CLYBL: variants seen among roughly 807,000 people sequenced by gnomAD.
CLYBL encodes citramalyl-CoA lyase, mitochondrial.
Under a neutral mutation model 38.9 loss-of-function variants are expected in CLYBL, and 31 were observed. That is an observed-to-expected ratio of 0.80 (90% CI 0.60 to 1.08). The LOEUF is 1.08. Ranked by LOEUF, CLYBL falls within the 50% of genes least tolerant of loss-of-function variation. The probability of loss-of-function intolerance (pLI) is 0.00; values close to 1 mark genes in which losing one functional copy is unlikely to be tolerated. For synonymous variants in CLYBL, 171 were observed against 158.6 expected (o/e 1.08, Z -0.59); for missense variants, 434 against 411.6 (o/e 1.05, Z -0.47).
chr13:99,617,628 C>T (rs1441876606), intron 1 of CLYBL, among the ~76,000 whole-genome samples: 2 of 52,878 alleles, frequency 3.8e-5, no homozygotes, highest in African/African-American at 1.2e-4. Flanking sequence ...AGGCTGCCCT[C>T]ACGAACGCCT....
chr13:99,610,429 C>G (rs1382950963), intron 1 of CLYBL, among the ~76,000 whole-genome samples: 1 of 152,166 alleles, frequency 6.6e-6, no homozygotes, highest in Non-Finnish European at 1.5e-5. Context: ...TCAGATTTCT[C>G]CCTTTTGCCA....
At chr13:99,853,382 A>G (rs932045479) in intron 2 of CLYBL, among the ~76,000 whole-genome samples, 4 of 152,222 alleles carry the variant, frequency 2.6e-5, no homozygotes, top group African/African-American at 9.6e-5. Flanking sequence ...TTAACATATC[A>G]AAAACTTTGC....
At chr13:99,696,781 CCAAAA>C (rs60889786) in intron 1 of CLYBL, among the ~76,000 whole-genome samples, 134,186 of 149,860 alleles carry the variant, frequency 0.9, 60,097 homozygotes, top group Middle Eastern at 0.91. Flanking sequence ...CCCATCTCTA[CCAAAA>C]CAAAACAAAA....
chr13:99,826,729 G>A lies in CLYBL; in HGVS notation c.250-32132G>A, dbSNP rs189584561. Reference sequence around the variant, plus strand: ...TGATCCATTTTACCTCATCAGAAGTGGGGAGTTCAAATCATCTGCATTCTA... The same window carrying A: ...TGATCCATTTTACCTCATCAGAAGTAGGGAGTTCAAATCATCTGCATTCTA... On this transcript the variant is annotated intron_variant, in intron 2 of 8. Transcript: ENST00000339105. 2.6e-5 allele frequency among the ~76,000 whole-genome samples: 4 copies of A among 152,238 alleles called. No homozygotes were observed. In the East Asian group the frequency reaches 7.7e-4, roughly 29 times the overall value.
intron 1 of CLYBL, among the ~76,000 whole-genome samples, chr13:99,691,600 A>G (rs1017547277): frequency 6.9e-6 from 1 of 144,526 alleles, no homozygotes; most frequent in African/African-American, 2.5e-5. Context: ...AAAAAAACCA[A>G]AAAACAAAAA....
intron 1 of CLYBL, among the ~76,000 whole-genome samples, chr13:99,680,121 TTAATG>T (rs1423865383): frequency 2.0e-5 from 3 of 152,216 alleles, no homozygotes; most frequent in Non-Finnish European, 2.9e-5. Flanking sequence ...GGCCTACTAA[TTAATG>T]GGGGAATTTC....
chr13:99,646,903 A>T (rs552236127), intron 1 of CLYBL, among the ~76,000 whole-genome samples: 1 of 152,114 alleles, frequency 6.6e-6, no homozygotes, highest in East Asian at 1.9e-4. Context: ...TGCGATAGCT[A>T]CTTCTCAGTA....
At chr13:99,616,056 A>G (rs2046704387) in intron 1 of CLYBL, among the ~76,000 whole-genome samples, 1 of 151,056 alleles carries the variant, frequency 6.6e-6, no homozygotes, top group Non-Finnish European at 1.5e-5. Flanking sequence ...CATGTTGGTC[A>G]GGCTGGTCTT....
rs555373151 is a variant in CLYBL at position 99,789,034 on chromosome 13, G to C, written c.249+16024G>C. 3.9e-5 allele frequency among the ~76,000 whole-genome samples: 6 copies of C among 152,246 alleles called. No individual in the cohort carries two copies. In the South Asian group the frequency reaches 8.3e-4, roughly 21 times the overall value. On this transcript the variant is annotated intron_variant, in intron 2 of 8. Coordinates refer to ENST00000339105, the MANE Select transcript of CLYBL (RefSeq NM_206808.5). Reference sequence around the variant, plus strand: ...CTGATGGTAGTTTGTATTTCTGTGGGATCGGTGGTGATATCCCCTTTATCA... The same window carrying C: ...CTGATGGTAGTTTGTATTTCTGTGGCATCGGTGGTGATATCCCCTTTATCA...
chr13:99,746,039 A>AT (rs369947308), intron 1 of CLYBL, among the ~76,000 whole-genome samples: 45,519 of 150,512 alleles, frequency 0.3, 7,823 homozygotes, highest in Non-Finnish European at 0.39. Flanking sequence ...AAAAAAAAAA[A>AT]TTTTTTTCAG....
At chr13:99,786,916 G>T (rs986770729) in intron 2 of CLYBL, among the ~76,000 whole-genome samples, 18 of 151,900 alleles carry the variant, frequency 1.2e-4, no homozygotes, top group African/African-American at 4.1e-4. Flanking sequence ...GTGTGAGATG[G>T]TATCTCATTG....
chr13:99,643,580 A>G (rs1036277134), intron 1 of CLYBL, among the ~76,000 whole-genome samples: 2 of 152,202 alleles, frequency 1.3e-5, no homozygotes, highest in South Asian at 2.1e-4. Context: ...GTGAGACTCA[A>G]TGTCAGTAGC....
intron 2 of CLYBL, among the ~76,000 whole-genome samples, chr13:99,787,177 T>A (rs1361844766): frequency 2.6e-5 from 4 of 152,244 alleles, no homozygotes; most frequent in Admixed American, 6.5e-5. Flanking sequence ...GATGGTAGTT[T>A]CTTTTGCTGT....
intron 1 of CLYBL, among the ~76,000 whole-genome samples, chr13:99,609,667 G>A (rs995577954): frequency 6.6e-6 from 1 of 152,006 alleles, no homozygotes; most frequent in Admixed American, 6.6e-5. Context: ...CTCCCAAATA[G>A]CTGGGACTAC....
rs1354690441 is a variant in CLYBL, at chr13:99,865,638, T to A, written c.635-602T>A. ...CCTCAGGGTGAAAAAACTGAATTTA[T>A]TTGAATACGAGTCTTTCCAGGAGAC... On this transcript the variant is annotated intron_variant, in intron 5 of 8. Transcript: ENST00000339105. This position sits in a 1 kb window ranked among gnomAD's most constrained non-coding sequence, Gnocchi z 4.7. 6.6e-6 allele frequency among the ~76,000 whole-genome samples: 1 copy of A among 152,234 alleles called. No individual in the cohort carries two copies. Among genetic ancestry groups the A allele is most frequent in the Non-Finnish European group, 1.5e-5 (1 of 68,050 alleles).
At chr13:99,662,242 T>A (rs1381525565) in intron 1 of CLYBL, among the ~76,000 whole-genome samples, 2 of 152,240 alleles carry the variant, frequency 1.3e-5, no homozygotes, top group South Asian at 4.1e-4. Context: ...ACAGATTTAA[T>A]TGTGCCGTGT....
chr13:99,840,313 A>T (rs576594566), intron 2 of CLYBL, among the ~76,000 whole-genome samples: 11 of 151,992 alleles, frequency 7.2e-5, no homozygotes, highest in African/African-American at 2.7e-4. Context: ...CCTCCATTCA[A>T]AAAGGTTACA....
rs544623895 is a variant in CLYBL at position 99,853,832 on chromosome 13, G to A, written c.250-5029G>A. On this transcript the variant is annotated intron_variant, in intron 2 of 8. Coordinates refer to ENST00000339105, the MANE Select transcript of CLYBL (RefSeq NM_206808.5). ...GGCCGTCCTTAAATAGAATAAATTC[G>A]TTCCGTTTTTTATTTTAAACCAAAC... 5.9e-5 allele frequency among the ~76,000 whole-genome samples: 9 copies of A among 152,188 alleles called. No homozygotes were observed. In the South Asian group the frequency reaches 1.2e-3, roughly 21 times the overall value.
intron 1 of CLYBL, among the ~76,000 whole-genome samples, chr13:99,615,187 C>T (rs1200726848): frequency 6.6e-6 from 1 of 152,178 alleles, no homozygotes; most frequent in Non-Finnish European, 1.5e-5. Context: ...TCAGCAGTCT[C>T]CAGTGATAGC....
Sources: gnomAD v4.1 joint callset for allele counts (sites outside exome capture counted in the v4.1 genomes callset) on GRCh38, gnomAD v4.1.1 for gene constraint, Gnocchi (gnomAD v3.1) non-coding constraint, MANE v1.5 for transcripts, NCBI Gene and HGNC (gene_info 2026-07-23, HGNC 2026-07-21) for gene names.